The following TENM1 variants were observed in gnomAD, a reference collection of about 807,000 sequenced individuals.
TENM1 encodes teneurin transmembrane protein 1.
TENM1 carries 35 observed loss-of-function variants against 174.8 expected under a neutral mutation model. The ratio of observed to expected loss-of-function variants is 0.20; its 90% CI spans 0.15 to 0.27. The LOEUF (loss-of-function observed/expected upper bound fraction) is 0.27, where lower values mean the gene tolerates loss of function less well. Among genes scored for constraint, TENM1 ranks in the 10% least tolerant of loss-of-function variants. The probability of loss-of-function intolerance (pLI) is 1.00; values close to 1 mark genes in which losing one functional copy is unlikely to be tolerated. For synonymous variants in TENM1, 781 were observed against 798.7 expected, an observed-to-expected ratio of 0.98 and a Z score of 0.37; for missense variants, 1,633 against 2,130.1, an observed-to-expected ratio of 0.77 and a Z score of 4.59.
the TENM1 span, among the ~76,000 whole-genome samples, chrX:125,126,911 G>A: frequency 9.6e-4 from 107 of 111,458 alleles, no homozygotes; most frequent in African/African-American, 3.3e-3. Context: ...AGTTCTACAC[G>A]TCTGATTTCA....
the TENM1 span, among the ~76,000 whole-genome samples, chrX:125,016,321 C>T: frequency 9.0e-6 from 1 of 111,278 alleles, no homozygotes; most frequent in African/African-American, 3.3e-5. Context: ...ACCCCATCGT[C>T]TCAGCCCAAA....
intron 16 of TENM1, among the ~76,000 whole-genome samples, chrX:124,527,655 T>C (rs1028663775): frequency 9.6e-6 from 1 of 104,612 alleles, no homozygotes; most frequent in Admixed American, 1.0e-4. Flanking sequence ...TTTTTCTTTT[T>C]TTTTTTTTTT....
At chrX:124,813,473 G>C (rs376204755) in intron 3 of TENM1, among the ~76,000 whole-genome samples, 2 of 111,646 alleles carry the variant, frequency 1.8e-5, no homozygotes, top group African/African-American at 6.5e-5. Context: ...TAATTTACAT[G>C]TGTAAAGGCA....
At chrX:124,904,472 A>T (rs775683635) in intron 1 of TENM1, among the ~76,000 whole-genome samples, 1 of 112,343 alleles carries the variant, frequency 8.9e-6, no homozygotes, top group South Asian at 3.7e-4. Context: ...CCCAATTCTG[A>T]CACATTTGAG....
chrX:124,608,570 T>TC (rs1316670790), intron 11 of TENM1, among the ~76,000 whole-genome samples: 1 of 111,719 alleles, frequency 9.0e-6, no homozygotes, highest in Admixed American at 9.5e-5. Flanking sequence ...GTTTTGTACT[T>TC]CAGTTTGTGC....
intron 3 of TENM1, among the ~76,000 whole-genome samples, chrX:124,880,187 T>C (rs1050971858): frequency 6.2e-5 from 7 of 112,153 alleles, no homozygotes; most frequent in African/African-American, 2.3e-4. Flanking sequence ...CACCTGTTTG[T>C]GTCCTCTTCA....
exon 30 of TENM1, chrX:124,384,018 G>T (rs947776461): frequency 8.3e-7 from 1 of 1,211,716 alleles, no homozygotes; most frequent in Admixed American, 2.2e-5. Flanking sequence ...TGACCTTGGA[G>T]ATCATAATAC....
chrX:124,786,693 C>T (rs772256532), intron 3 of TENM1, among the ~76,000 whole-genome samples: 5 of 111,520 alleles, frequency 4.5e-5, no homozygotes, highest in Non-Finnish European at 9.4e-5. Flanking sequence ...GTTCCCATGC[C>T]TGAGTTTTAA....
chrX:124,653,654 T>C lies in TENM1; in HGVS notation c.1298A>G (p.Asn433Ser), dbSNP rs2051365038. 3.3e-6 allele frequency: 4 copies of C among 1,211,188 alleles called. No individual in the cohort carries two copies. The East Asian group carries it at 1.2e-4, about 36-fold the overall frequency. Reference sequence around the variant, plus strand: ...CAGAGAGTCCTTGGCTAAAGAAATATTGAACTTCAGATATATTGGATGGTG... The same window carrying C: ...CAGAGAGTCCTTGGCTAAAGAAATACTGAACTTCAGATATATTGGATGGTG... The change falls in exon 7 of 32, where the codon AAT becomes AGT. Residue 433 changes from asparagine (N) to serine (S), a missense_variant. Transcript: ENST00000422452.
At chrX:124,584,356 C>T (rs1270187510) in intron 11 of TENM1, among the ~76,000 whole-genome samples, 1 of 110,722 alleles carries the variant, frequency 9.0e-6, no homozygotes, top group East Asian at 2.8e-4. Flanking sequence ...ACTCTACAAG[C>T]CAGAAGAGAG....
At chrX:124,398,619 AT>A (rs1228444195) in intron 27 of TENM1, among the ~76,000 whole-genome samples, 1 of 103,028 alleles carries the variant, frequency 9.7e-6, no homozygotes, top group African/African-American at 3.4e-5. Flanking sequence ...TTTATGCAGG[AT>A]TTTCTTTTTT....
exon 32 of TENM1, chrX:124,380,769 T>C: frequency 8.3e-7 from 1 of 1,211,606 alleles, no homozygotes; most frequent in Non-Finnish European, 1.1e-6. Flanking sequence ...TGTCTGGCAA[T>C]CTCCAACACG....
At chrX:125,106,577 T>C in the TENM1 span, among the ~76,000 whole-genome samples, 1 of 109,852 alleles carries the variant, frequency 9.1e-6, no homozygotes, top group Non-Finnish European at 1.9e-5. Flanking sequence ...GCCCGGCTAA[T>C]TTTTTGTATT....
At chrX:124,853,894 T>C (rs929969576) in intron 3 of TENM1, among the ~76,000 whole-genome samples, 1 of 110,610 alleles carries the variant, frequency 9.0e-6, no homozygotes, top group Non-Finnish European at 1.9e-5. Flanking sequence ...TGATTAATGG[T>C]TGAGGATTGG....
At chrX:124,664,664 C>T (rs1252515600) in intron 6 of TENM1, among the ~76,000 whole-genome samples, 1 of 100,369 alleles carries the variant, frequency 1.0e-5, no homozygotes, top group Non-Finnish European at 2.0e-5. Context: ...TTTCAATTCC[C>T]AAGAGTACTT....
At chrX:124,965,929 C>T (rs957532078), upstream of TENM1, among the ~76,000 whole-genome samples, 1 of 111,515 alleles carries the variant, frequency 9.0e-6, no homozygotes, top group Non-Finnish European at 1.9e-5. Flanking sequence ...ATTCCCACCC[C>T]TTTCCAAACC....
chrX:125,057,414 GAAGTA>G, the TENM1 span, among the ~76,000 whole-genome samples: 8 of 110,059 alleles, frequency 7.3e-5, no homozygotes, highest in Admixed American at 2.0e-4. Flanking sequence ...AACAAGGGAA[GAAGTA>G]AAGAAGGAAA....
chrX:124,712,925 C>T (rs1230351266), intron 4 of TENM1, among the ~76,000 whole-genome samples: 2 of 112,189 alleles, frequency 1.8e-5, no homozygotes, highest in African/African-American at 3.2e-5. Context: ...AACAAGAATA[C>T]TTAGAGTTGT....
chrX:124,605,349 T>C (rs1602771280), intron 11 of TENM1, among the ~76,000 whole-genome samples: 1 of 107,767 alleles, frequency 9.3e-6, no homozygotes, highest in Non-Finnish European at 1.9e-5. Context: ...AAATCACAGA[T>C]AAAACCACTT....
Sources: gnomAD v4.1 joint callset for allele counts (sites outside exome capture counted in the v4.1 genomes callset) on GRCh38, gnomAD v4.1.1 for gene constraint, MANE v1.5 for transcripts, NCBI Gene and HGNC (gene_info 2026-07-23, HGNC 2026-07-21) for gene names.